Variants in GPHN observed in about 807,000 individuals in gnomAD.
GPHN encodes the protein gephyrin.
Under a neutral mutation model 95.5 loss-of-function variants are expected in GPHN, and 17 were observed. That is an observed-to-expected ratio of 0.18 (90% confidence interval 0.12 to 0.27). GPHN has a LOEUF of 0.27. Ranked by LOEUF, GPHN falls within the 10% of genes least tolerant of loss-of-function variation. The probability of loss-of-function intolerance (pLI) is 1.00; values close to 1 mark genes in which losing one functional copy is unlikely to be tolerated. For synonymous variants in GPHN, 320 were observed against 322.5 expected (o/e 0.99, Z 0.08); for missense variants, 660 against 978.1 (o/e 0.67, Z 4.34).
At chr14:66,875,494 G>A (rs1212453201) in intron 4 of GPHN, among the ~76,000 whole-genome samples, 1 of 152,218 alleles carries the variant, frequency 6.6e-6, no homozygotes, top group Admixed American at 6.5e-5. Flanking sequence ...CCATTGATGT[G>A]CTGTATTCAG....
intron 11 of GPHN, among the ~76,000 whole-genome samples, chr14:67,073,795 G>A (rs2076396546): frequency 1.3e-5 from 2 of 152,088 alleles, no homozygotes; most frequent in Admixed American, 1.3e-4. Context: ...AGCATCTTTA[G>A]ATGGAAAAAA....
rs967035199 is a variant in GPHN, at chr14:67,139,165, G to A, written c.1749-4197G>A. 2.6e-5 allele frequency among the ~76,000 whole-genome samples: 4 copies of A among 151,590 alleles called. No homozygotes were observed. In the South Asian group the frequency reaches 8.3e-4, roughly 32 times the overall value. On this transcript the variant is annotated intron_variant, in intron 17 of 22. Transcript: ENST00000478722. ...TTGAACCCAGGAGGCGGAGGTTGCA[G>A]TGAGCCGAGATCGCGCCACTACACT...
At chr14:67,191,486 G>A in the GPHN span, among the ~76,000 whole-genome samples, 3 of 152,260 alleles carry the variant, frequency 2.0e-5, no homozygotes, top group East Asian at 3.9e-4. Context: ...GTGCAACACT[G>A]GCTTTTCAGA....
At chr14:67,143,284 G>A in intron 17 of GPHN, 78 bp from the exon 18 acceptor site, 1 of 869,914 alleles carries the variant, frequency 1.1e-6, no homozygotes. Context: ...AGTGAATAAG[G>A]CGATGTAGTT....
At chr14:67,284,625 A>G in the GPHN span, among the ~76,000 whole-genome samples, 4 of 146,526 alleles carry the variant, frequency 2.7e-5, no homozygotes, top group African/African-American at 9.9e-5. Flanking sequence ...ATTCCAAAAT[A>G]TGTACCCATT....
At chr14:66,517,022 C>T (rs887414675) in intron 1 of GPHN, among the ~76,000 whole-genome samples, 4 of 147,344 alleles carry the variant, frequency 2.7e-5, no homozygotes, top group Non-Finnish European at 4.5e-5. Flanking sequence ...CCCAGCTACT[C>T]GGGAGTGAGG....
chr14:67,720,642 T>A, the GPHN span, among the ~76,000 whole-genome samples: 1 of 152,238 alleles, frequency 6.6e-6, no homozygotes, highest in Non-Finnish European at 1.5e-5. Flanking sequence ...TTTGGGTCTA[T>A]TTCTTGCCTT....
chr14:66,986,975 C>T (rs1481607706), intron 9 of GPHN, among the ~76,000 whole-genome samples: 1 of 152,128 alleles, frequency 6.6e-6, no homozygotes, highest in African/African-American at 2.4e-5. Context: ...TCCTTTATTT[C>T]AGAAAAGCCA....
chr14:66,949,870 A>C (rs2067985345), intron 8 of GPHN, among the ~76,000 whole-genome samples: 1 of 152,078 alleles, frequency 6.6e-6, no homozygotes, highest in Non-Finnish European at 1.5e-5. Flanking sequence ...TGCCATTTCA[A>C]AGGACTGCAG....
At chr14:67,587,348 C>A in the GPHN span, 3 of 1,195,340 alleles carry the variant, frequency 2.5e-6, no homozygotes, top group South Asian at 1.2e-5. Context: ...TACTCTTGTT[C>A]TGTGAAATGT....
intron 2 of GPHN, among the ~76,000 whole-genome samples, chr14:66,765,634 G>A (rs1442074302): frequency 6.6e-6 from 1 of 152,102 alleles, no homozygotes; most frequent in East Asian, 1.9e-4. Context: ...GGAGGAGGGA[G>A]TGGAACGAAA....
the GPHN span, among the ~76,000 whole-genome samples, chr14:67,461,649 G>GA: frequency 9.5e-3 from 1,350 of 141,598 alleles, 11 homozygotes; most frequent in African/African-American, 0.028. Flanking sequence ...GTCATAGGAA[G>GA]AAAAAAAAAA....
the GPHN span, among the ~76,000 whole-genome samples, chr14:67,479,410 C>CA: frequency 0.31 from 39,010 of 125,768 alleles, 7,158 homozygotes; most frequent in African/African-American, 0.56. Context: ...GACTCTGTCT[C>CA]AAAAAAAAAA....
chr14:67,409,053 A>T, the GPHN span, among the ~76,000 whole-genome samples: 3 of 146,058 alleles, frequency 2.1e-5, no homozygotes, highest in African/African-American at 7.5e-5. Flanking sequence ...TGTCGCTATA[A>T]AAAAAAAAAA....
chr14:66,545,387 ACCC>A (rs1189700381), intron 1 of GPHN, among the ~76,000 whole-genome samples: 1 of 117,844 alleles, frequency 8.5e-6, no homozygotes, highest in Non-Finnish European at 1.7e-5. Flanking sequence ...CGGGGGGCTG[ACCC>A]CCCCACCTCC....
At chr14:66,901,760 G>T (rs375990520) in intron 5 of GPHN, among the ~76,000 whole-genome samples, 2 of 151,994 alleles carry the variant, frequency 1.3e-5, no homozygotes, top group Non-Finnish European at 2.9e-5. Context: ...GTACCATGTT[G>T]ATTTGGTTAC....
intron 1 of GPHN, among the ~76,000 whole-genome samples, chr14:66,630,531 G>T (rs1595325290): frequency 6.6e-6 from 1 of 152,000 alleles, no homozygotes; most frequent in East Asian, 1.9e-4. Flanking sequence ...TGGTGCAGTG[G>T]CGCGATCTCA....
chr14:67,458,914 T>A, the GPHN span, among the ~76,000 whole-genome samples: 1 of 151,656 alleles, frequency 6.6e-6, no homozygotes, highest in Admixed American at 6.6e-5. Flanking sequence ...TGAGATGGAG[T>A]CTTGCTCTTG....
At chr14:66,736,567 T>C (rs1363203963) in intron 2 of GPHN, among the ~76,000 whole-genome samples, 1 of 151,650 alleles carries the variant, frequency 6.6e-6, no homozygotes, top group Non-Finnish European at 1.5e-5. Flanking sequence ...CCCAGCTAAT[T>C]TTTTGTATTT....
Sources: gnomAD v4.1 joint callset for allele counts (sites outside exome capture counted in the v4.1 genomes callset) on GRCh38, gnomAD v4.1.1 for gene constraint, MANE v1.5 for transcripts, NCBI Gene and HGNC (gene_info 2026-07-23, HGNC 2026-07-21) for gene names.